Variants in SAFB observed in about 807,000 individuals in gnomAD.
SAFB encodes the protein scaffold attachment factor B1.
Under a neutral mutation model 101.6 loss-of-function variants are expected in SAFB, and 15 were observed. That is an observed-to-expected ratio of 0.15 (90% CI 0.10 to 0.23). The LOEUF is 0.23. Among genes scored for constraint, SAFB ranks in the 10% least tolerant of loss-of-function variants. The probability of loss-of-function intolerance (pLI) is 1.00; values close to 1 mark genes in which losing one functional copy is unlikely to be tolerated. For synonymous variants in SAFB, 449 were observed against 407.5 expected, an observed-to-expected ratio of 1.10 and a Z score of -1.23; for missense variants, 930 against 1,104.1, an observed-to-expected ratio of 0.84 and a Z score of 2.23.
In SAFB at chr19:5,667,939, C is replaced by T. The variant is rs1431650149; in HGVS notation, c.2624+53C>T. 1 of 1,531,210 alleles carries T rather than the reference C, an allele frequency of 6.5e-7. No individual in the cohort carries two copies. The highest frequency in any genetic ancestry group is 8.8e-7 in the Non-Finnish European group (1 of 1,131,300). The allele number at this position is 1,531,210 out of a possible 1,614,324, so 94.9% of individuals were successfully genotyped here. A position where few individuals can be genotyped will look rare whatever the true frequency, so the allele number is the denominator to read the frequency against. On this transcript the variant is annotated intron_variant, in intron 20 of 20. Coordinates refer to ENST00000588852, the MANE Select transcript of SAFB (RefSeq NM_001201338.2). This position sits in a 1 kb window ranked among gnomAD's most constrained non-coding sequence, Gnocchi z 4.0. ...TCCCCCTGCTTTGCATATTGGCCTA[C>T]CTTGCTGGAGGCTTAACAACCAAGT... is the stretch of plus-strand genomic sequence containing the variant.
intron 13 of SAFB, among the ~76,000 whole-genome samples, chr19:5,655,302 T>C (rs1432373995): frequency 6.6e-6 from 1 of 151,376 alleles, no homozygotes; most frequent in Non-Finnish European, 1.5e-5. Context: ...CACAAGAAAT[T>C]TAAAAATTAG....
chr19:5,647,241 T>C (rs907440345), intron 5 of SAFB, among the ~76,000 whole-genome samples: 9 of 152,088 alleles, frequency 5.9e-5, no homozygotes, highest in Non-Finnish European at 1.3e-4. Flanking sequence ...CTGAGCTGGA[T>C]ACTGAGGGAT....
intron 2 of SAFB, among the ~76,000 whole-genome samples, chr19:5,639,529 C>T (rs1007635241): frequency 6.6e-6 from 1 of 151,732 alleles, no homozygotes; most frequent in Non-Finnish European, 1.5e-5. Flanking sequence ...CCCATCTCTA[C>T]TAAAAATACA....
Position 5,668,418 on chromosome 19 carries a change from G to C in SAFB, c.*127G>C. 2.9e-6 allele frequency: 3 copies of C among 1,049,108 alleles called. No homozygotes were observed. The South Asian group carries it at 5.4e-5, about 19-fold the overall frequency. 65.0% of individuals were successfully genotyped at this position (1,049,108 alleles called of 1,614,324 possible). A position where few individuals can be genotyped will look rare whatever the true frequency, so the allele number is the denominator to read the frequency against. ...TTGTAGCTCAATACAATGTGAATTT[G>C]TTTTTCGTTTTGGGGTTTTTTTTTT... On this transcript the variant is annotated 3_prime_UTR_variant, in exon 21 of 21. Coordinates refer to ENST00000588852, the MANE Select transcript of SAFB (RefSeq NM_001201338.2).
At chr19:5,641,025 G>T (rs367877313) in intron 2 of SAFB, among the ~76,000 whole-genome samples, 1 of 151,558 alleles carries the variant, frequency 6.6e-6, no homozygotes, top group Admixed American at 6.6e-5. Flanking sequence ...CGCCTCCTGG[G>T]TTCAAGTGAT....
intron 4 of SAFB, among the ~76,000 whole-genome samples, chr19:5,642,793 G>C (rs537864937): frequency 6.0e-5 from 9 of 150,876 alleles, no homozygotes; most frequent in African/African-American, 1.9e-4. Context: ...TCCCAAGTGA[G>C]TAGCTGGGAT....
intron 14 of SAFB, among the ~76,000 whole-genome samples, chr19:5,659,444 C>G: frequency 6.6e-6 from 1 of 151,614 alleles, no homozygotes; most frequent in Non-Finnish European, 1.5e-5. Context: ...TACAGTGGCA[C>G]GATCTCAGCT....
At chr19:5,649,891 C>T (rs772271086) in intron 7 of SAFB, 35 bp from the exon 8 acceptor site, 1 of 1,594,292 alleles carries the variant, frequency 6.3e-7, no homozygotes, top group Admixed American at 1.7e-5. Flanking sequence ...CTCCATGCTG[C>T]TTCCTTGTGG....
At chr19:5,654,261 G>C in intron 12 of SAFB, 61 bp downstream of exon 12, 4 of 1,606,500 alleles carry the variant, frequency 2.5e-6, no homozygotes, top group Non-Finnish European at 3.4e-6. Context: ...GAGTTTGTTA[G>C]TTTGCTGTGA....
chr19:5,650,123 G>A (rs1234566941), intron 8 of SAFB, 148 bp downstream of exon 8: 7 of 650,410 alleles, frequency 1.1e-5, no homozygotes, highest in East Asian at 5.6e-5. Flanking sequence ...TGCTGTTACC[G>A]CTACAGGTTC....
Position 5,648,709 on chromosome 19 carries a change from G to A in SAFB, c.638-280G>A, listed in dbSNP as rs558483353. The stretch of plus-strand genomic sequence containing the variant: ...AAATTTGGAAGAGTCATATCTAAAC[G>A]ACGACAGAATGAAGACTGTCAAGAA... On this transcript the variant is annotated intron_variant, in intron 6 of 20. Transcript: ENST00000588852. 9.8e-5 allele frequency: 55 copies of A among 563,014 alleles called. No homozygotes were observed. In the Admixed American group the frequency reaches 1.2e-3, roughly 12 times the overall value. The allele number at this position is 563,014 out of a possible 1,614,324, so 34.9% of individuals were successfully genotyped here. A position where few individuals can be genotyped will look rare whatever the true frequency, so the allele number is the denominator to read the frequency against.
intron 2 of SAFB, among the ~76,000 whole-genome samples, chr19:5,641,112 C>T (rs1015688126): frequency 5.3e-5 from 8 of 152,042 alleles, no homozygotes; most frequent in African/African-American, 1.7e-4. Flanking sequence ...TCAGGTGATC[C>T]GCCCGCCTAG....
intron 12 of SAFB, 28 bp downstream of exon 12, chr19:5,654,228 C>A: frequency 6.2e-7 from 1 of 1,613,242 alleles, no homozygotes; most frequent in Non-Finnish European, 8.5e-7. Flanking sequence ...CCAGGAGATT[C>A]TGTCTTGTTT....
chr19:5,657,367 C>A lies in SAFB; in HGVS notation c.1862+20C>A, dbSNP rs781426124. On this transcript the variant is annotated intron_variant, in intron 14 of 20. Transcript: ENST00000588852. ...CCATAGGTGAGTAGGGATCCAGGAA[C>A]GGTTTGGTGTTTTTCCTAGAATGTG... 1.3e-6 allele frequency: 2 copies of A among 1,526,008 alleles called. No homozygotes were observed. The highest frequency in any genetic ancestry group is 1.8e-6 in the Non-Finnish European group (2 of 1,101,820). 94.5% of individuals were successfully genotyped at this position (1,526,008 alleles called of 1,614,324 possible).
At chr19:5,642,200 C>T in intron 4 of SAFB, 1 of 535,514 alleles carries the variant, frequency 1.9e-6, no homozygotes, top group Non-Finnish European at 3.5e-6. Flanking sequence ...TCAGACTCTT[C>T]CTGTTGCCGG....
rs747968577 is a variant in SAFB at position 5,641,883 on chromosome 19, G to T, written c.483G>T (p.Ser161=). ...CTGATAACCTCCAGGAGTCCCTGTC[G>T]GATAGTAGAGAGCTAGTCGAGGGGG... ...DDADNLQESL[S]DSRELVEGEM... The change falls in exon 4 of 21, where the codon TCG becomes TCT. Residue 161 remains serine, a synonymous_variant. Coordinates refer to ENST00000588852, the MANE Select transcript of SAFB (RefSeq NM_001201338.2). 1 of 1,614,168 alleles carries T rather than the reference G, an allele frequency of 6.2e-7. No homozygotes were observed. The highest frequency in any genetic ancestry group is 1.1e-5 in the South Asian group (1 of 91,080).
rs753637621 is a variant in SAFB at position 5,667,905 on chromosome 19, G to A, written c.2624+19G>A. The A allele has an allele frequency of 1.0e-5, 16 of 1,586,314 alleles. No homozygotes were observed. The highest frequency in any genetic ancestry group is 6.7e-5 in the East Asian group (3 of 44,594). On this transcript the variant is annotated intron_variant, in intron 20 of 20. Transcript: ENST00000588852. The surrounding 1 kb of genome is among the most constrained non-coding windows in gnomAD (Gnocchi z 4.0). ...TGTCAGGGTAAGGCATGCTGGGGGC[G>A]GCGCCCCTTCCCCCTGCTTTGCATA...
rs184498308 is a variant in SAFB at position 5,628,232 on chromosome 19, C to A, written c.274+1743C>A. ...CACCACTGCACTCCAGCCTGGGCGA[C>A]CGCAAGACTCCATCCCCCTAAAAAA... On this transcript the variant is annotated intron_variant, in intron 2 of 20. Transcript: ENST00000588852. Among the ~76,000 whole-genome samples, 165 of 152,224 alleles carry A rather than the reference C, an allele frequency of 1.1e-3. No homozygotes were observed. In the East Asian group the frequency reaches 0.023, roughly 21 times the overall value.
intron 4 of SAFB, among the ~76,000 whole-genome samples, chr19:5,642,499 A>G (rs141592682): frequency 1.3e-5 from 2 of 152,132 alleles, no homozygotes; most frequent in East Asian, 1.9e-4. Context: ...GTTGATACCT[A>G]TCTTAAGAGT....
Sources: allele counts gnomAD v4.1 joint callset (sites outside exome capture counted in the v4.1 genomes callset), GRCh38; gene constraint gnomAD v4.1.1; non-coding constraint Gnocchi (gnomAD v3.1); transcripts MANE v1.5; gene names NCBI Gene and HGNC (gene_info 2026-07-23, HGNC 2026-07-21).